PNLIP: variants seen among roughly 807,000 people sequenced by gnomAD.
PNLIP encodes the protein pancreatic lipase.
PNLIP carries 49 observed loss-of-function variants against 57.1 expected under a neutral mutation model. That is an observed-to-expected ratio of 0.86 (90% CI 0.68 to 1.09). PNLIP has a LOEUF of 1.09. Among genes scored for constraint, PNLIP ranks in the 50% least tolerant of loss-of-function variants. The probability of loss-of-function intolerance (pLI) is 0.00; values close to 1 mark genes in which losing one functional copy is unlikely to be tolerated. For missense variants in PNLIP, 503 were observed against 570.2 expected (o/e 0.88, Z 1.20); for synonymous variants, 209 against 200.4 (o/e 1.04, Z -0.36).
At chr10:116,549,252 C>T (rs555490644) in intron 4 of PNLIP, among the ~76,000 whole-genome samples, 2 of 151,864 alleles carry the variant, frequency 1.3e-5, no homozygotes, top group East Asian at 1.9e-4. Flanking sequence ...CTGAGGCGGG[C>T]GGATCACGAG....
intron 9 of PNLIP, among the ~76,000 whole-genome samples, chr10:116,558,343 C>T (rs1372869694): frequency 6.0e-5 from 9 of 150,710 alleles, no homozygotes; most frequent in Non-Finnish European, 1.0e-4. Flanking sequence ...TACAGGCGCC[C>T]GCCACCATGC....
chr10:116,554,539 A>G (rs1007843410), intron 6 of PNLIP, among the ~76,000 whole-genome samples: 29 of 152,288 alleles, frequency 1.9e-4, no homozygotes, highest in African/African-American at 6.7e-4. Context: ...AACCTCTGTA[A>G]GGTTATAAGA....
intron 5 of PNLIP, among the ~76,000 whole-genome samples, chr10:116,552,452 T>C (rs1393461468): frequency 1.3e-5 from 2 of 152,160 alleles, no homozygotes; most frequent in South Asian, 2.1e-4. Context: ...TCTTAGTTTT[T>C]AACAAAAAAT....
At chr10:116,562,559 C>T (rs1308010573) in intron 12 of PNLIP, among the ~76,000 whole-genome samples, 1 of 152,070 alleles carries the variant, frequency 6.6e-6, no homozygotes, top group Non-Finnish European at 1.5e-5. Context: ...ATGAGAAGAT[C>T]CAGGGAAGTA....
At chr10:116,548,133 G>A (rs1485290383) in intron 3 of PNLIP, among the ~76,000 whole-genome samples, 1 of 151,834 alleles carries the variant, frequency 6.6e-6, no homozygotes, top group African/African-American at 2.4e-5. Flanking sequence ...TTACCACCAA[G>A]ATTATAACAG....
chr10:116,562,454 C>T (rs141696797), intron 12 of PNLIP, among the ~76,000 whole-genome samples: 39 of 152,292 alleles, frequency 2.6e-4, no homozygotes, highest in African/African-American at 9.4e-4. Context: ...GTTGCCCCAG[C>T]TTACTGCTCC....
intron 4 of PNLIP, among the ~76,000 whole-genome samples, chr10:116,549,418 G>T (rs570224644): frequency 1.4e-4 from 21 of 152,222 alleles, no homozygotes; most frequent in African/African-American, 5.1e-4. Context: ...GGCAGAGGTT[G>T]CAGTGAGCCA....
chr10:116,554,391 T>C (rs1847229679), intron 6 of PNLIP, among the ~76,000 whole-genome samples: 1 of 152,120 alleles, frequency 6.6e-6, no homozygotes, highest in Non-Finnish European at 1.5e-5. Context: ...AACCCCAGAG[T>C]TGTCAGGGAA....
rs183133728 is a variant in PNLIP, at chr10:116,565,873, G to A, written c.1335-1862G>A. 5.8e-3 allele frequency among the ~76,000 whole-genome samples: 879 copies of A among 152,222 alleles called. 5 individuals carry two copies. The highest frequency in any genetic ancestry group is 8.9e-3 in the Non-Finnish European group (604 of 68,002). ...CACCCAGGCTAGAGTGCAGTGGCAC[G>A]ATCTTGGCTCACTGAACCTCCATCT... On this transcript the variant is annotated intron_variant, in intron 12 of 12. Transcript: ENST00000369221.
At chr10:116,556,405 T>C (rs575742516) in intron 9 of PNLIP, among the ~76,000 whole-genome samples, 128 of 152,316 alleles carry the variant, frequency 8.4e-4, no homozygotes, top group African/African-American at 3.0e-3. Flanking sequence ...AATTAGTCTA[T>C]GGAAATCTGA....
Position 116,555,404 on chromosome 10 carries a change from A to C in PNLIP, c.708A>C (p.Gln236His). The change falls in exon 8 of 13, where the codon CAA becomes CAC. Residue 236 changes from glutamine (Q) to histidine (H), a missense_variant. Physicochemically the swap from Gln to His is conservative, Grantham distance 24. Coordinates refer to ENST00000369221, the MANE Select transcript of PNLIP (RefSeq NM_000936.4). ...TGATTTCAGGGTTTGGAATGAGCCA[A>C]GTCGTGGGCCACCTAGATTTCTTTC... ...IVPNLGFGMS[Q>H]VVGHLDFFPN... 1 of 1,614,214 alleles carries C rather than the reference A, an allele frequency of 6.2e-7. No individual in the cohort carries two copies. The highest frequency in any genetic ancestry group is 8.5e-7 in the Non-Finnish European group (1 of 1,180,030).
At chr10:116,558,603 A>G (rs908973619) in intron 9 of PNLIP, among the ~76,000 whole-genome samples, 9 of 151,758 alleles carry the variant, frequency 5.9e-5, no homozygotes, top group African/African-American at 2.2e-4. Flanking sequence ...ACACACACAC[A>G]CACACATATT....
chr10:116,547,260 T>A (rs778688503), intron 2 of PNLIP, 34 bp from the exon 3 acceptor site: 1 of 1,608,360 alleles, frequency 6.2e-7, no homozygotes, highest in Non-Finnish European at 8.5e-7. Context: ...AAAGAGCATG[T>A]TTGTAAAACT....
chr10:116,551,084 GC>G lies in PNLIP; in HGVS notation c.325-10del. 6.4e-7 allele frequency: 1 copy of G among 1,561,588 alleles called. No homozygotes were observed. The highest frequency in any genetic ancestry group is 2.4e-5 in the East Asian group (1 of 42,552). The stretch of plus-strand genomic sequence containing the variant: ...CCTGAATTATTTATCTGTTTATTGT[GC>G]CCCTTCCACCAGAATCTGTTCAAGG... On this transcript the variant is annotated splice_polypyrimidine_tract_variant and intron_variant, in intron 4 of 12. Transcript: ENST00000369221.
intron 5 of PNLIP, 195 bp downstream of exon 5, chr10:116,551,427 T>C (rs1355667895): frequency 5.2e-6 from 2 of 387,292 alleles, no homozygotes; most frequent in East Asian, 7.7e-5. Context: ...ATTATGTTAA[T>C]AAACTAGTTT....
rs759604285 is a variant in PNLIP at position 116,555,163 on chromosome 10, T to C, written c.572-15T>C. The C allele has an allele frequency of 6.2e-7, 1 of 1,614,020 alleles. No individual in the cohort carries two copies. Among genetic ancestry groups the C allele is most frequent in the Non-Finnish European group, 8.5e-7 (1 of 1,179,884 alleles). On this transcript the variant is annotated splice_polypyrimidine_tract_variant and intron_variant, in intron 6 of 12. Transcript: ENST00000369221. ...AGGACTTGTCATAATTCATGAAACA[T>C]ACTCTTTACTTTAGGGTTGGACCCA... is the stretch of plus-strand genomic sequence containing the variant.
chr10:116,555,222 G>C lies in PNLIP; in HGVS notation c.616G>C (p.Val206Leu). The change falls in exon 7 of 13, where the codon GTC becomes CTC. Residue 206 changes from valine (V) to leucine (L), a missense_variant. By Grantham distance (32) the Val-to-Leu change is conservative. Coordinates refer to ENST00000369221, the MANE Select transcript of PNLIP (RefSeq NM_000936.4). ...TTGCTTTCAGGGCACACCTGAATTA[G>C]TCCGATTGGACCCCAGCGATGCCAA... is the stretch of plus-strand genomic sequence containing the variant. ...EPCFQGTPELVRLDPSDAKFV... is the reference protein window; with the variant it reads ...EPCFQGTPELLRLDPSDAKFV... 1 of 1,614,160 alleles carries C rather than the reference G, an allele frequency of 6.2e-7. No individual in the cohort carries two copies. The highest frequency in any genetic ancestry group is 8.5e-7 in the Non-Finnish European group (1 of 1,180,022).
intron 4 of PNLIP, among the ~76,000 whole-genome samples, chr10:116,549,439 A>C (rs1458236407): frequency 6.6e-6 from 1 of 152,060 alleles, no homozygotes; most frequent in Non-Finnish European, 1.5e-5. Context: ...AGATCGTGCC[A>C]CTGCACTCCA....
At chr10:116,559,382 T>A in intron 10 of PNLIP, 99 bp downstream of exon 10, 2 of 864,652 alleles carry the variant, frequency 2.3e-6, no homozygotes, top group Non-Finnish European at 3.6e-6. Context: ...ACAAAAGCTT[T>A]AAACACCCCC....
Sources: allele counts gnomAD v4.1 joint callset (sites outside exome capture counted in the v4.1 genomes callset), GRCh38; gene constraint gnomAD v4.1.1; transcripts MANE v1.5; gene names NCBI Gene and HGNC (gene_info 2026-07-23, HGNC 2026-07-21).